The following CDH18 variants were observed in gnomAD, a reference collection of about 807,000 sequenced individuals.
The protein encoded by CDH18 is cadherin-18.
In CDH18, 31 loss-of-function variants were observed where a neutral mutation model predicts 67.9. That is an observed-to-expected ratio of 0.46 (90% CI 0.34 to 0.62). The LOEUF (loss-of-function observed/expected upper bound fraction) is 0.62, where lower values mean the gene tolerates loss of function less well. Ranked by LOEUF, CDH18 falls within the 20% of genes least tolerant of loss-of-function variation. The pLI, the probability that CDH18 is intolerant of heterozygous loss-of-function variation, is 0.01. For missense variants in CDH18, 890 were observed against 975.5 expected (o/e 0.91, Z 1.17); for synonymous variants, 362 against 347.2 (o/e 1.04, Z -0.48).
At chr5:19,849,695 T>C (rs1338357228) in intron 2 of CDH18, among the ~76,000 whole-genome samples, 8 of 24,390 alleles carry the variant, frequency 3.3e-4, no homozygotes, top group African/African-American at 5.3e-4. Context: ...CATATATATA[T>C]ACACGCATAT....
chr5:19,670,874 A>T (rs1188109928), intron 5 of CDH18, among the ~76,000 whole-genome samples: 1 of 152,138 alleles, frequency 6.6e-6, no homozygotes, highest in African/African-American at 2.4e-5. Context: ...GCTAGACTAA[A>T]TATAAGGAAG....
intron 5 of CDH18, among the ~76,000 whole-genome samples, chr5:19,670,122 C>T (rs935464959): frequency 6.8e-6 from 1 of 147,206 alleles, no homozygotes; most frequent in African/African-American, 2.5e-5. Flanking sequence ...GGAAACAATA[C>T]TCATAGAGAA....
chr5:19,934,389 G>T (rs1308670014), intron 2 of CDH18, among the ~76,000 whole-genome samples: 1 of 151,144 alleles, frequency 6.6e-6, no homozygotes, highest in East Asian at 1.9e-4. Context: ...TAGGGATAAT[G>T]ACAACCCAGT....
At chr5:20,411,171 G>A (rs1044122799) in intron 1 of CDH18, among the ~76,000 whole-genome samples, 1 of 151,834 alleles carries the variant, frequency 6.6e-6, no homozygotes, top group Non-Finnish European at 1.5e-5. Context: ...AACCCACAAA[G>A]CTAGAGATAT....
At chr5:20,233,678 AT>A (rs893070697) in intron 2 of CDH18, among the ~76,000 whole-genome samples, 5 of 152,004 alleles carry the variant, frequency 3.3e-5, no homozygotes, top group Admixed American at 3.3e-4. Flanking sequence ...TTAAGAATGA[AT>A]TTATTTTCTT....
chr5:20,560,510 C>CACACAA (rs1242868022), intron 1 of CDH18, among the ~76,000 whole-genome samples: 1 of 150,506 alleles, frequency 6.6e-6, no homozygotes, highest in Non-Finnish European at 1.5e-5. Flanking sequence ...CACACACACA[C>CACACAA]ACCCCTACAT....
intron 1 of CDH18, among the ~76,000 whole-genome samples, chr5:20,332,662 G>A (rs1739288535): frequency 1.3e-5 from 2 of 152,224 alleles, no homozygotes; most frequent in Non-Finnish European, 2.9e-5. Context: ...TAACAAAAAT[G>A]TCATTAAATT....
rs10941834 is a variant in CDH18, at chr5:20,509,624, T to C, written c.-580+65838A>G. On this transcript the variant is annotated intron_variant, in intron 1 of 14. Coordinates refer to the CDH18 transcript ENST00000507958. ...TTTAATACAGATGGGTTTCACCATG[T>C]TGGCCAGGATAGTCTCGATCTCCTG... is the stretch of plus-strand genomic sequence containing the variant. Among the ~76,000 whole-genome samples, 51 of 149,272 alleles carry C rather than the reference T, an allele frequency of 3.4e-4. 1 individual carries two copies. Among genetic ancestry groups the C allele is most frequent in the African/African-American group, 6.7e-4 (27 of 40,494 alleles).
intron 12 of CDH18, among the ~76,000 whole-genome samples, chr5:19,481,498 A>C (rs1398044368): frequency 6.6e-6 from 1 of 152,190 alleles, no homozygotes; most frequent in African/African-American, 2.4e-5. Context: ...TGGTTTCCCT[A>C]CATGCCCTCT....
Position 19,891,391 on chromosome 5 carries a change from C to T in CDH18, c.-256-52149G>A, listed in dbSNP as rs546060214. On this transcript the variant is annotated intron_variant, in intron 2 of 12. Transcript: ENST00000382275. ...CATGACTAAGAGCATAATCCTGAAT[C>T]CTTACAAAAAATATTTTGTGGAAAC... 3.3e-5 allele frequency among the ~76,000 whole-genome samples: 5 copies of T among 152,186 alleles called. No homozygotes were observed. The South Asian group carries it at 1.0e-3, about 32-fold the overall frequency.
At chr5:20,372,538 G>A (rs922105008) in intron 1 of CDH18, among the ~76,000 whole-genome samples, 1 of 152,004 alleles carries the variant, frequency 6.6e-6, no homozygotes, top group African/African-American at 2.4e-5. Context: ...AAATTATCAT[G>A]TATGTGATTT....
intron 2 of CDH18, among the ~76,000 whole-genome samples, chr5:19,876,663 T>A (rs1342520591): frequency 8.1e-6 from 1 of 122,966 alleles, no homozygotes; most frequent in Non-Finnish European, 1.7e-5. Flanking sequence ...TATCCAGGAA[T>A]CTTTAACTTT....
chr5:19,790,282 C>A (rs1271620514), intron 3 of CDH18, among the ~76,000 whole-genome samples: 2 of 152,138 alleles, frequency 1.3e-5, no homozygotes, highest in East Asian at 3.8e-4. Flanking sequence ...GACAAGGATG[C>A]ACTTTCAATT....
chr5:20,213,908 A>G (rs766852597), intron 2 of CDH18, among the ~76,000 whole-genome samples: 2 of 152,084 alleles, frequency 1.3e-5, no homozygotes, highest in Non-Finnish European at 2.9e-5. Flanking sequence ...GAGCACTGAA[A>G]TAGAAAAAAG....
At chr5:19,593,710 T>TCCTCCTC (rs1561425870) in intron 6 of CDH18, among the ~76,000 whole-genome samples, 10 of 8,720 alleles carry the variant, frequency 1.1e-3, no homozygotes, top group African/African-American at 3.8e-3. Flanking sequence ...TCCTCCTCCT[T>TCCTCCTC]CTTCTTCTTC....
chr5:20,267,249 G>T (rs561383949), intron 1 of CDH18, among the ~76,000 whole-genome samples: 1 of 152,268 alleles, frequency 6.6e-6, no homozygotes, highest in Non-Finnish European at 1.5e-5. Context: ...CTGGAAATAT[G>T]TGGCTCCATT....
At chr5:20,489,063 C>T (rs1753411918) in intron 1 of CDH18, among the ~76,000 whole-genome samples, 1 of 151,974 alleles carries the variant, frequency 6.6e-6, no homozygotes. Context: ...ATCAACATAA[C>T]CCTCAAAAAT....
At chr5:20,091,991 T>G (rs1745480061) in intron 2 of CDH18, among the ~76,000 whole-genome samples, 1 of 152,174 alleles carries the variant, frequency 6.6e-6, no homozygotes, top group African/African-American at 2.4e-5. Flanking sequence ...TCATGTAATT[T>G]TGGAACCATA....
chr5:20,116,998 TGGAG>T (rs1353169776), intron 2 of CDH18, among the ~76,000 whole-genome samples: 4 of 150,838 alleles, frequency 2.7e-5, no homozygotes, highest in Admixed American at 2.6e-4. Context: ...TCTTTCCACT[TGGAG>T]AGATAAATGT....
Sources: allele counts gnomAD v4.1 joint callset (sites outside exome capture counted in the v4.1 genomes callset), GRCh38; gene constraint gnomAD v4.1.1; transcripts MANE v1.5; gene names NCBI Gene and HGNC (gene_info 2026-07-23, HGNC 2026-07-21).